MED19: variants seen among roughly 807,000 people sequenced by gnomAD.
The protein encoded by MED19 is mediator of RNA polymerase II transcription subunit 19.
Under a neutral mutation model 19.9 loss-of-function variants are expected in MED19, and 4 were observed. The observed-to-expected ratio is 0.20, with a 90% CI of 0.10 to 0.46. The LOEUF is 0.46. MED19 is among the 20% of genes least tolerant of loss of function. MED19 has a pLI of 0.99. For synonymous variants in MED19, 139 were observed against 119.6 expected (o/e 1.16, Z -1.06); for missense variants, 303 against 318.7 (o/e 0.95, Z 0.38).
chr11:57,712,193 C>T (rs752026227), exon 1 of MED19: 4 of 1,509,808 alleles, frequency 2.6e-6, no homozygotes, highest in Admixed American at 4.5e-5. Flanking sequence ...ACCCTCCGCC[C>T]CGGCGCTGTC....
At chr11:57,705,291 G>A in intron 1 of MED19, 62 bp from the exon 2 acceptor site, 1 of 1,535,186 alleles carries the variant, frequency 6.5e-7, no homozygotes, top group Non-Finnish European at 8.8e-7. Flanking sequence ...GGGAGTGAAG[G>A]ACTATATATT....
At chr11:57,712,081 C>A in exon 1 of MED19, 1 of 1,528,966 alleles carries the variant, frequency 6.5e-7, no homozygotes, top group South Asian at 1.2e-5. Context: ...CCGCAGGAGG[C>A]GGTGGCGGGG....
At chr11:57,706,498 C>T (rs994560957) in intron 1 of MED19, among the ~76,000 whole-genome samples, 1 of 151,912 alleles carries the variant, frequency 6.6e-6, no homozygotes, top group Non-Finnish European at 1.5e-5. Context: ...TGGCCAGGCG[C>T]GGTGGCTCAC....
At position 57,712,015 on chromosome 11, in the gene MED19, C is replaced by T. The variant is rs770484495; in HGVS notation, c.165G>A (p.Ala55=). ...GGCCACAGCCAGCTCCTGACTTGTC[C>T]GCGCCAGGAGGAGCCGTGGCCGCGG... Residue 55 remains alanine, a synonymous_variant, in exon 1 of 5, where the codon GCG becomes GCA. Coordinates refer to ENST00000431606, the Ensembl canonical transcript of MED19. 7.8e-6 allele frequency: 12 copies of T among 1,532,262 alleles called. No individual in the cohort carries two copies. The Admixed American group carries it at 1.0e-4, about 13-fold the overall frequency. 94.9% of individuals were successfully genotyped at this position (1,532,262 alleles called of 1,614,324 possible). A position where few individuals can be genotyped will look rare whatever the true frequency, so the allele number is the denominator to read the frequency against.
intron 1 of MED19, among the ~76,000 whole-genome samples, chr11:57,710,615 T>A (rs918139510): frequency 6.6e-6 from 1 of 152,188 alleles, no homozygotes; most frequent in Non-Finnish European, 1.5e-5. Flanking sequence ...GCTGGCCCTT[T>A]GTCTATGCTT....
intron 1 of MED19, among the ~76,000 whole-genome samples, chr11:57,707,084 G>A (rs765130172): frequency 6.6e-6 from 1 of 151,898 alleles, no homozygotes; most frequent in Non-Finnish European, 1.5e-5. Flanking sequence ...TGTAGTCACA[G>A]CTACTTGGGA....
At chr11:57,705,310 TAA>T in intron 1 of MED19, 81 bp from the exon 2 acceptor site, 8 of 1,439,686 alleles carry the variant, frequency 5.6e-6, no homozygotes, top group Non-Finnish European at 7.5e-6. Flanking sequence ...TTAACCTAAA[TAA>T]GACATTTTTT....
chr11:57,708,638 G>C (rs1339191279), intron 1 of MED19, among the ~76,000 whole-genome samples: 1 of 152,140 alleles, frequency 6.6e-6, no homozygotes, highest in Non-Finnish European at 1.5e-5. Flanking sequence ...TGAGATGGAG[G>C]TGACAGGAAA....
intron 1 of MED19, among the ~76,000 whole-genome samples, chr11:57,710,144 T>A (rs867451935): frequency 6.6e-6 from 1 of 152,224 alleles, no homozygotes; most frequent in African/African-American, 2.4e-5. Context: ...GGAGGACTGC[T>A]GTTGGCCAGG....
exon 5 of MED19, chr11:57,703,865 CA>C: frequency 1.0e-6 from 1 of 989,180 alleles, no homozygotes; most frequent in East Asian, 2.8e-5. Context: ...CCTACAAAAG[CA>C]TGTCCCTCTC....
At chr11:57,708,759 G>C (rs1266406026) in intron 1 of MED19, among the ~76,000 whole-genome samples, 3 of 152,070 alleles carry the variant, frequency 2.0e-5, no homozygotes, top group Non-Finnish European at 4.4e-5. Flanking sequence ...CATACACCCA[G>C]CATTTGCCCA....
At chr11:57,704,266 A>G in intron 4 of MED19, 36 bp downstream of exon 4, 1 of 1,530,258 alleles carries the variant, frequency 6.5e-7, no homozygotes, top group Non-Finnish European at 8.7e-7. Flanking sequence ...GATCTGGGGA[A>G]ACTCACTGGG....
chr11:57,704,689 T>TTTTTTTTTTTTTA, intron 3 of MED19, 30 bp downstream of exon 3: 1 of 1,579,864 alleles, frequency 6.3e-7, no homozygotes, highest in South Asian at 1.2e-5. Context: ...TTTTTTTTTT[T>TTTTTTTTTTTTTA]TTTTTGCTTT....
chr11:57,708,124 C>T (rs1009744392), intron 1 of MED19, among the ~76,000 whole-genome samples: 22 of 151,768 alleles, frequency 1.4e-4, no homozygotes, highest in African/African-American at 5.3e-4. Flanking sequence ...GTGAACCACC[C>T]TGCCCAACAA....
At chr11:57,709,784 C>T (rs1007848644) in intron 1 of MED19, among the ~76,000 whole-genome samples, 1 of 152,138 alleles carries the variant, frequency 6.6e-6, no homozygotes, top group African/African-American at 2.4e-5. Context: ...TGGTCTCAAA[C>T]TTTTGGGCTC....
At chr11:57,704,692 T>TTTTTTTTTA in intron 3 of MED19, 27 bp downstream of exon 3, 1 of 1,580,396 alleles carries the variant, frequency 6.3e-7, no homozygotes. Flanking sequence ...TTTTTTTTTT[T>TTTTTTTTTA]TTGCTTTGAA....
Position 57,704,827 on chromosome 11 carries a change from A to G in MED19, c.475-12T>C. The G allele has an allele frequency of 6.2e-7, 1 of 1,613,522 alleles. No individual in the cohort carries two copies. The highest frequency in any genetic ancestry group is 8.5e-7 in the Non-Finnish European group (1 of 1,179,938). On this transcript the variant is annotated splice_polypyrimidine_tract_variant and intron_variant, in intron 2 of 4. Coordinates refer to ENST00000431606, the Ensembl canonical transcript of MED19. ...CACTGCTCCGGCAACTGAAGGAACC[A>G]AAGGAAGGTCCAGGTGAGTAGAGGG...
exon 1 of MED19, chr11:57,712,168 G>C: frequency 6.5e-7 from 1 of 1,528,236 alleles, no homozygotes; most frequent in Non-Finnish European, 8.8e-7. Flanking sequence ...ACAGTGCCGT[G>C]AAATTCTCCA....
chr11:57,706,499 G>A (rs61888873), intron 1 of MED19, among the ~76,000 whole-genome samples: 41,689 of 152,042 alleles, frequency 0.27, 6,807 homozygotes, highest in East Asian at 0.79. Flanking sequence ...GGCCAGGCGC[G>A]GTGGCTCACG....
Sources: allele counts gnomAD v4.1 joint callset (sites outside exome capture counted in the v4.1 genomes callset), GRCh38; gene constraint gnomAD v4.1.1; transcripts MANE v1.5; gene names NCBI Gene and HGNC (gene_info 2026-07-23, HGNC 2026-07-21).